PDE1A: variants seen among roughly 807,000 people sequenced by gnomAD.
The protein encoded by PDE1A is phosphodiesterase 1A, also known as dual specificity calcium/calmodulin-dependent 3',5'-cyclic nucleotide phosphodiesterase 1A.
In PDE1A, 35 loss-of-function variants were observed where a neutral mutation model predicts 61.7. That is an observed-to-expected ratio of 0.57 (90% CI 0.43 to 0.75). PDE1A has a LOEUF of 0.75. PDE1A is among the 30% of genes least tolerant of loss of function. The pLI is 0.00. For synonymous variants in PDE1A, 232 were observed against 213.2 expected (o/e 1.09, Z -0.77); for missense variants, 597 against 630.6 (o/e 0.95, Z 0.57).
At chr2:182,603,466 G>A in the PDE1A span, among the ~76,000 whole-genome samples, 1 of 152,176 alleles carries the variant, frequency 6.6e-6, no homozygotes, top group South Asian at 2.1e-4. Flanking sequence ...CCCTGCCTCA[G>A]CCTCTTGAGT....
the PDE1A span, among the ~76,000 whole-genome samples, chr2:182,590,812 A>G: frequency 2.0e-4 from 31 of 152,186 alleles, no homozygotes; most frequent in Non-Finnish European, 3.5e-4. Flanking sequence ...TGTGACTCCC[A>G]TAGTCCCATT....
chr2:182,144,696 T>C (rs980114173), downstream of PDE1A, among the ~76,000 whole-genome samples: 4 of 152,128 alleles, frequency 2.6e-5, no homozygotes, highest in Non-Finnish European at 4.4e-5. Context: ...CAGCAAAGAA[T>C]TAGCTATCAG....
chr2:182,179,460 T>C (rs1226379561), intron 13 of PDE1A, among the ~76,000 whole-genome samples: 1 of 152,090 alleles, frequency 6.6e-6, no homozygotes, highest in Non-Finnish European at 1.5e-5. Flanking sequence ...TTTAAAATTA[T>C]ACAAAGAGGG....
the PDE1A span, among the ~76,000 whole-genome samples, chr2:182,680,660 T>C: frequency 1.3e-5 from 2 of 152,196 alleles, no homozygotes; most frequent in Non-Finnish European, 2.9e-5. Context: ...TCTCACAGTT[T>C]GTGACGTTTC....
intron 2 of PDE1A, among the ~76,000 whole-genome samples, chr2:182,516,835 G>GAAGGA (rs1244807900): frequency 2.4e-5 from 1 of 42,014 alleles, no homozygotes; most frequent in Non-Finnish European, 6.0e-5. Context: ...GGAAGGAAGG[G>GAAGGA]AGGGAGGGAG....
At chr2:182,397,758 A>T (rs1179572025) in intron 1 of PDE1A, among the ~76,000 whole-genome samples, 1 of 152,068 alleles carries the variant, frequency 6.6e-6, no homozygotes, top group Non-Finnish European at 1.5e-5. Context: ...AAGATCAGGG[A>T]TCAGTTTTTG....
chr2:182,250,422 G>C (rs1691310650), intron 2 of PDE1A, among the ~76,000 whole-genome samples: 1 of 152,140 alleles, frequency 6.6e-6, no homozygotes. Context: ...ATATCTACTT[G>C]TCAGTAACCT....
intron 2 of PDE1A, among the ~76,000 whole-genome samples, chr2:182,474,964 T>C (rs562687706): frequency 6.6e-6 from 1 of 152,064 alleles, no homozygotes; most frequent in African/African-American, 2.4e-5. Context: ...GGGAAATGGA[T>C]CATGTCTGAG....
At chr2:182,241,273 C>T (rs1305880163) in intron 2 of PDE1A, among the ~76,000 whole-genome samples, 1 of 152,226 alleles carries the variant, frequency 6.6e-6, no homozygotes, top group African/African-American at 2.4e-5. Flanking sequence ...CAGGCCAGCT[C>T]TGCCTGCCAT....
chr2:182,695,386 G>A, the PDE1A span, among the ~76,000 whole-genome samples: 16 of 152,198 alleles, frequency 1.1e-4, no homozygotes, highest in Admixed American at 3.3e-4. Context: ...ATTGCAGGAG[G>A]TTCAGTGTGG....
At chr2:182,566,368 C>A in the PDE1A span, among the ~76,000 whole-genome samples, 1 of 151,766 alleles carries the variant, frequency 6.6e-6, no homozygotes, top group Non-Finnish European at 1.5e-5. Context: ...ACTTCTTAGT[C>A]ATCAATATTT....
At chr2:182,694,853 T>G in the PDE1A span, among the ~76,000 whole-genome samples, 1 of 142,396 alleles carries the variant, frequency 7.0e-6, no homozygotes, top group Admixed American at 6.9e-5. Flanking sequence ...TGTTTGTTTG[T>G]TTTTTTTTTA....
At chr2:182,504,448 TATC>T (rs1396231921) in intron 2 of PDE1A, among the ~76,000 whole-genome samples, 1 of 152,228 alleles carries the variant, frequency 6.6e-6, no homozygotes, top group African/African-American at 2.4e-5. Context: ...TTTAGTATTT[TATC>T]ATTTTTTATT....
At chr2:182,642,200 G>T in the PDE1A span, among the ~76,000 whole-genome samples, 10 of 152,134 alleles carry the variant, frequency 6.6e-5, 1 homozygote, top group African/African-American at 2.4e-4. Context: ...AATATAATAA[G>T]AAATATTTGG....
intron 1 of PDE1A, among the ~76,000 whole-genome samples, chr2:182,378,555 C>T (rs1435339029): frequency 1.3e-5 from 2 of 152,144 alleles, no homozygotes; most frequent in Non-Finnish European, 2.9e-5. Flanking sequence ...CTCTAATACT[C>T]TTGTCATGAC....
intron 1 of PDE1A, among the ~76,000 whole-genome samples, chr2:182,290,073 C>T (rs1694426231): frequency 6.6e-6 from 1 of 152,074 alleles, no homozygotes; most frequent in Admixed American, 6.6e-5. Flanking sequence ...AAGTAAATAA[C>T]TGTCAATTGT....
At chr2:182,453,198 A>G (rs1685642475) in intron 2 of PDE1A, among the ~76,000 whole-genome samples, 1 of 152,120 alleles carries the variant, frequency 6.6e-6, no homozygotes, top group Non-Finnish European at 1.5e-5. Flanking sequence ...GCATGGTGGT[A>G]GCAAGACTCC....
chr2:182,459,573 A>G (rs1025836951), intron 2 of PDE1A, among the ~76,000 whole-genome samples: 3 of 152,096 alleles, frequency 2.0e-5, no homozygotes, highest in African/African-American at 7.2e-5. Flanking sequence ...ATCTCTAACT[A>G]CTCAATGCCT....
At chr2:182,641,423 A>T in the PDE1A span, among the ~76,000 whole-genome samples, 1 of 152,222 alleles carries the variant, frequency 6.6e-6, no homozygotes, top group Non-Finnish European at 1.5e-5. Flanking sequence ...AACTAATACA[A>T]AGAGTGATCA....
Sources: gnomAD v4.1 joint callset for allele counts (sites outside exome capture counted in the v4.1 genomes callset) on GRCh38, gnomAD v4.1.1 for gene constraint, MANE v1.5 for transcripts, NCBI Gene and HGNC (gene_info 2026-07-23, HGNC 2026-07-21) for gene names.